The following PARN variants were observed in gnomAD, a reference collection of about 807,000 sequenced individuals.
The protein encoded by PARN is poly(A)-specific ribonuclease.
In PARN, 71 loss-of-function variants were observed where a neutral mutation model predicts 102.8. The observed-to-expected ratio is 0.69, with a 90% CI of 0.57 to 0.84. The LOEUF (loss-of-function observed/expected upper bound fraction) is 0.84, where lower values mean the gene tolerates loss of function less well. PARN is among the 40% of genes least tolerant of loss of function. The pLI is 0.00. For missense variants in PARN, 782 were observed against 760.9 expected (o/e 1.03, Z -0.33); for synonymous variants, 261 against 252.9 (o/e 1.03, Z -0.30).
At chr16:14,581,007 G>A (rs1293365597) in intron 17 of PARN, 64 bp from the exon 18 acceptor site, 2 of 891,700 alleles carry the variant, frequency 2.2e-6, no homozygotes, top group Non-Finnish European at 3.7e-6. Flanking sequence ...TGAAAGTTCA[G>A]ACCAAAACAG....
At chr16:14,443,728 T>C (rs1173762447) in intron 23 of PARN, among the ~76,000 whole-genome samples, 1 of 152,238 alleles carries the variant, frequency 6.6e-6, no homozygotes, top group Non-Finnish European at 1.5e-5. Context: ...TCCAGCGTCC[T>C]AATTTTTGCT....
At chr16:14,478,936 G>A (rs545330267) in intron 22 of PARN, among the ~76,000 whole-genome samples, 8 of 152,186 alleles carry the variant, frequency 5.3e-5, no homozygotes, top group Middle Eastern at 3.4e-3. Flanking sequence ...CTGCCACCAC[G>A]GCCAGCTAAT....
intron 21 of PARN, among the ~76,000 whole-genome samples, chr16:14,520,930 T>C (rs1000858100): frequency 2.0e-5 from 3 of 152,146 alleles, no homozygotes; most frequent in Admixed American, 2.0e-4. Context: ...AATAAAAAGT[T>C]CAACCAAACA....
At chr16:14,442,654 G>C (rs537523733) in intron 23 of PARN, among the ~76,000 whole-genome samples, 2 of 148,876 alleles carry the variant, frequency 1.3e-5, no homozygotes, top group African/African-American at 5.0e-5. Flanking sequence ...GTCTTGCTCT[G>C]TCACCCAAGC....
intron 21 of PARN, among the ~76,000 whole-genome samples, chr16:14,494,132 C>A (rs1413372270): frequency 6.6e-6 from 1 of 152,188 alleles, no homozygotes; most frequent in Non-Finnish European, 1.5e-5. Flanking sequence ...GCAGGACTGA[C>A]TGGGGGACCT....
chr16:14,629,713 T>C (rs753307637), intron 1 of PARN, 39 bp from the exon 2 acceptor site: 8 of 1,454,752 alleles, frequency 5.5e-6, no homozygotes, highest in Non-Finnish European at 7.7e-6. Context: ...ACCAGTGGCC[T>C]GAATTCCTGC....
At chr16:14,577,532 C>G (rs1386515473) in intron 18 of PARN, among the ~76,000 whole-genome samples, 2 of 151,846 alleles carry the variant, frequency 1.3e-5, no homozygotes, top group Non-Finnish European at 1.5e-5. Context: ...CTGGGTTTTG[C>G]CACATTGTCC....
At chr16:14,572,342 T>G (rs1313700564) in intron 18 of PARN, among the ~76,000 whole-genome samples, 1 of 152,056 alleles carries the variant, frequency 6.6e-6, no homozygotes, top group Non-Finnish European at 1.5e-5. Flanking sequence ...AAGAAATCTT[T>G]TCTTTTTTTT....
chr16:14,465,939 G>A (rs1962316508), intron 22 of PARN, among the ~76,000 whole-genome samples: 1 of 152,178 alleles, frequency 6.6e-6, no homozygotes, highest in South Asian at 2.1e-4. Context: ...TTATAAGTAG[G>A]CACTTTGTTC....
At chr16:14,487,676 GAA>G (rs964080063) in intron 21 of PARN, among the ~76,000 whole-genome samples, 3 of 151,626 alleles carry the variant, frequency 2.0e-5, no homozygotes, top group Non-Finnish European at 1.5e-5. Context: ...TTAAAAGTAA[GAA>G]AAAAAAATCT....
At chr16:14,552,986 A>T (rs1274826524) in intron 20 of PARN, among the ~76,000 whole-genome samples, 1 of 152,100 alleles carries the variant, frequency 6.6e-6, no homozygotes, top group Non-Finnish European at 1.5e-5. Flanking sequence ...TTAGTACTTA[A>T]AGTAACTTTA....
intron 22 of PARN, among the ~76,000 whole-genome samples, chr16:14,452,065 AAT>A (rs1961489254): frequency 6.6e-6 from 1 of 151,884 alleles, no homozygotes; most frequent in African/African-American, 2.4e-5. Flanking sequence ...CAACAACAAC[AAT>A]AACAACAACC....
intron 22 of PARN, among the ~76,000 whole-genome samples, chr16:14,471,399 T>G (rs1401824921): frequency 1.3e-5 from 2 of 152,238 alleles, no homozygotes; most frequent in Non-Finnish European, 2.9e-5. Context: ...CTATTTACAT[T>G]TTTTAAGTAT....
At chr16:14,553,631 G>A (rs915497849) in intron 20 of PARN, among the ~76,000 whole-genome samples, 2 of 152,186 alleles carry the variant, frequency 1.3e-5, no homozygotes, top group African/African-American at 4.8e-5. Flanking sequence ...AAAAAGGAAA[G>A]AGAAGGACTG....
In PARN at chr16:14,555,702, G is replaced by T; in HGVS notation, c.1270C>A (p.Leu424Ile). ...LIEPFFNKLF[L>I]MRVMDIPYLN... ...TAGGGGATATCCATGACCCTCATAA[G>T]AAATAACCTACAAGAAGAAAAGACA... Residue 424 changes from leucine (L) to isoleucine (I), a missense_variant, in exon 19 of 24, where the codon CTT (leucine) becomes ATT (isoleucine). Coordinates refer to ENST00000437198, the MANE Select transcript of PARN (RefSeq NM_002582.4). 1 of 1,469,228 alleles carries T rather than the reference G, an allele frequency of 6.8e-7. No individual in the cohort carries two copies. Among genetic ancestry groups the T allele is most frequent in the Non-Finnish European group, 9.2e-7 (1 of 1,082,012 alleles). The allele number at this position is 1,469,228 out of a possible 1,614,324, so 91.0% of individuals were successfully genotyped here.
At chr16:14,513,708 TTCA>T (rs1965317241) in intron 21 of PARN, among the ~76,000 whole-genome samples, 1 of 152,184 alleles carries the variant, frequency 6.6e-6, no homozygotes, top group Non-Finnish European at 1.5e-5. Flanking sequence ...GAAAAGGCGC[TTCA>T]TCATCGTGGA....
intron 21 of PARN, among the ~76,000 whole-genome samples, chr16:14,506,991 G>GT (rs1964931065): frequency 6.6e-6 from 1 of 152,200 alleles, no homozygotes; most frequent in African/African-American, 2.4e-5. Context: ...TTGGAGAAGC[G>GT]TAACTAATAT....
intron 21 of PARN, among the ~76,000 whole-genome samples, chr16:14,490,439 G>C (rs1227479512): frequency 6.6e-6 from 1 of 152,188 alleles, no homozygotes; most frequent in Non-Finnish European, 1.5e-5. Context: ...CAAGGAAGCA[G>C]TGTGTCCATC....
intron 18 of PARN, among the ~76,000 whole-genome samples, chr16:14,559,242 C>A (rs181421429): frequency 6.7e-6 from 1 of 150,140 alleles, no homozygotes; most frequent in South Asian, 2.1e-4. Flanking sequence ...TTTTTTATTT[C>A]TTTATTTTAT....
Sources: gnomAD v4.1 joint callset for allele counts (sites outside exome capture counted in the v4.1 genomes callset) on GRCh38, gnomAD v4.1.1 for gene constraint, MANE v1.5 for transcripts, NCBI Gene and HGNC (gene_info 2026-07-23, HGNC 2026-07-21) for gene names.